SCNN1G: variants seen among roughly 807,000 people sequenced by gnomAD.
The protein encoded by SCNN1G is sodium channel epithelial 1 subunit gamma.
In SCNN1G, 27 loss-of-function variants were observed where a neutral mutation model predicts 64.6. The ratio of observed to expected loss-of-function variants is 0.42; its 90% confidence interval spans 0.31 to 0.58. The LOEUF is 0.58. Among genes scored for constraint, SCNN1G ranks in the 20% least tolerant of loss-of-function variants. The pLI, the probability that SCNN1G is intolerant of heterozygous loss-of-function variation, is 0.18. For missense variants in SCNN1G, 743 were observed against 823.4 expected (o/e 0.90, Z 1.19); for synonymous variants, 330 against 314.2 (o/e 1.05, Z -0.53).
intron 6 of SCNN1G, among the ~76,000 whole-genome samples, chr16:23,203,104 G>T (rs1959918905): frequency 2.0e-5 from 3 of 152,244 alleles, no homozygotes; most frequent in African/African-American, 7.2e-5. Context: ...AAGCCAGAAA[G>T]AGTTGGCATC....
At chr16:23,192,600 C>A in intron 4 of SCNN1G, 58 bp downstream of exon 4, 1 of 1,404,818 alleles carries the variant, frequency 7.1e-7, no homozygotes, top group Non-Finnish European at 9.9e-7. Flanking sequence ...GAGTACCAGG[C>A]CCCTTGCAGG....
intron 6 of SCNN1G, among the ~76,000 whole-genome samples, chr16:23,203,753 G>A (rs13335711): frequency 3.2e-3 from 354 of 110,274 alleles, no homozygotes; most frequent in African/African-American, 0.011. Context: ...CTGGGCGACA[G>A]AGTGAGACTC....
chr16:23,190,025 G>T (rs967811829), intron 3 of SCNN1G, among the ~76,000 whole-genome samples: 11 of 151,880 alleles, frequency 7.2e-5, no homozygotes, highest in African/African-American at 2.7e-4. Context: ...AGCCCAGATG[G>T]TGCCACTGCA....
rs527840367 is a variant in SCNN1G at position 23,213,312 on chromosome 16, G to A, written c.1493+149G>A. ...CTGTCACCCAGGCTGGAGTGCAGTG[G>A]TGTGATCTCAGCTCACTGTAACTTC... On this transcript the variant is annotated intron_variant, in intron 11 of 12. Coordinates refer to ENST00000300061, the MANE Select transcript of SCNN1G (RefSeq NM_001039.4). The A allele has an allele frequency of 6.5e-5, 43 of 659,098 alleles. 1 individual carries two copies. The Middle Eastern group carries it at 2.6e-3, about 39-fold the overall frequency. The allele number at this position is 659,098 out of a possible 1,614,324, so 40.8% of individuals were successfully genotyped here.
chr16:23,203,310 A>G (rs1171695727), intron 6 of SCNN1G, among the ~76,000 whole-genome samples: 1 of 152,134 alleles, frequency 6.6e-6, no homozygotes, highest in Non-Finnish European at 1.5e-5. Flanking sequence ...TGGTGAATGG[A>G]AAATGAAGAA....
chr16:23,184,847 A>G (rs1295707147), intron 1 of SCNN1G, among the ~76,000 whole-genome samples: 1 of 152,152 alleles, frequency 6.6e-6, no homozygotes, highest in Non-Finnish European at 1.5e-5. Context: ...CCTGGGGACC[A>G]CCCTGTATGC....
intron 3 of SCNN1G, among the ~76,000 whole-genome samples, chr16:23,190,371 G>T (rs775068289): frequency 4.6e-5 from 7 of 150,974 alleles, no homozygotes; most frequent in Non-Finnish European, 8.8e-5. Flanking sequence ...TTTAAGTAGT[G>T]GGGGGCAGAG....
At chr16:23,193,380 C>T (rs546214452) in intron 4 of SCNN1G, among the ~76,000 whole-genome samples, 2 of 152,098 alleles carry the variant, frequency 1.3e-5, no homozygotes, top group South Asian at 4.1e-4. Context: ...GGCACAGTGG[C>T]TCACGCTTGT....
At chr16:23,202,953 A>G (rs995282221) in intron 6 of SCNN1G, among the ~76,000 whole-genome samples, 1 of 152,212 alleles carries the variant, frequency 6.6e-6, no homozygotes, top group African/African-American at 2.4e-5. Flanking sequence ...ACCTGGAGTT[A>G]AGGAGAAAAC....
chr16:23,212,026 T>G lies in SCNN1G; in HGVS notation c.1177-8T>G. ...ACATGAATGGCATTCCTGGGTCTCCTCTTTCAGATCTGCCTTCATTCATGC... is the reference window on the plus strand; with the variant it reads ...ACATGAATGGCATTCCTGGGTCTCCGCTTTCAGATCTGCCTTCATTCATGC... On this transcript the variant is annotated splice_region_variant and splice_polypyrimidine_tract_variant and intron_variant, in intron 7 of 12. Transcript: ENST00000300061. The G allele has an allele frequency of 1.3e-6, 2 of 1,592,158 alleles. No individual in the cohort carries two copies. Among genetic ancestry groups the G allele is most frequent in the Non-Finnish European group, 1.7e-6 (2 of 1,159,984 alleles).
rs67132706 is a variant in SCNN1G at position 23,199,663 on chromosome 16, C to CTTTTTTTTTT, written c.1077+2253_1077+2262dup. On this transcript the variant is annotated intron_variant, in intron 6 of 12. Transcript: ENST00000300061. ...TGATGTTTTTCTTTTCTTTTCTTTT[C>CTTTTTTTTTT]TTTTTTTTTTTTTTTTTTTTTTTTT... Among the ~76,000 whole-genome samples, 362 of 59,692 alleles carry CTTTTTTTTTT rather than the reference C, an allele frequency of 6.1e-3. 2 individuals carry two copies. Among genetic ancestry groups the CTTTTTTTTTT allele is most frequent in the Non-Finnish European group, 7.7e-3 (256 of 33,210 alleles). The allele number at this position is 59,692 out of a possible 152,430, so 39.2% of individuals were successfully genotyped here. A position where few individuals can be genotyped will look rare whatever the true frequency, so the allele number is the denominator to read the frequency against.
intron 6 of SCNN1G, among the ~76,000 whole-genome samples, chr16:23,200,933 A>G (rs1490547267): frequency 6.6e-6 from 1 of 152,146 alleles, no homozygotes; most frequent in African/African-American, 2.4e-5. Context: ...AACCATCAAA[A>G]TGGTCTTTCT....
intron 1 of SCNN1G, among the ~76,000 whole-genome samples, chr16:23,185,414 G>A (rs1357244377): frequency 2.0e-5 from 3 of 152,092 alleles, no homozygotes; most frequent in Admixed American, 1.3e-4. Context: ...GAGATGCATC[G>A]TGCACATTGA....
intron 6 of SCNN1G, among the ~76,000 whole-genome samples, chr16:23,205,881 C>A (rs184742036): frequency 1.5e-3 from 225 of 152,244 alleles, no homozygotes; most frequent in African/African-American, 5.3e-3. Flanking sequence ...CCCCCACCCA[C>A]CCCCAGAGCC....
intron 7 of SCNN1G, among the ~76,000 whole-genome samples, chr16:23,211,067 A>G (rs1960071425): frequency 6.6e-6 from 1 of 152,196 alleles, no homozygotes; most frequent in East Asian, 1.9e-4. Flanking sequence ...CTCATCAGAA[A>G]GATACTTCTG....
intron 2 of SCNN1G, among the ~76,000 whole-genome samples, chr16:23,186,801 G>GA (rs1555473248): frequency 6.6e-6 from 1 of 151,822 alleles, no homozygotes; most frequent in East Asian, 1.9e-4. Context: ...TCAGTGACTT[G>GA]TTTTTTTTCT....
chr16:23,202,078 A>G (rs1178704769), intron 6 of SCNN1G, among the ~76,000 whole-genome samples: 1 of 152,118 alleles, frequency 6.6e-6, no homozygotes, highest in African/African-American at 2.4e-5. Context: ...TGGCTTCCCA[A>G]AGTGCTGGGA....
intron 6 of SCNN1G, among the ~76,000 whole-genome samples, chr16:23,204,382 A>G (rs1959957301): frequency 8.1e-6 from 1 of 124,140 alleles, no homozygotes; most frequent in South Asian, 2.7e-4. Flanking sequence ...GACTATTACT[A>G]TATATTTTTT....
intron 5 of SCNN1G, among the ~76,000 whole-genome samples, chr16:23,195,176 AC>A (rs912939712): frequency 6.6e-6 from 1 of 152,164 alleles, no homozygotes; most frequent in African/African-American, 2.4e-5. Flanking sequence ...TAGGGCTTCA[AC>A]ATATGAATTT....
Sources: gnomAD v4.1 joint callset for allele counts (sites outside exome capture counted in the v4.1 genomes callset) on GRCh38, gnomAD v4.1.1 for gene constraint, MANE v1.5 for transcripts, NCBI Gene and HGNC (gene_info 2026-07-23, HGNC 2026-07-21) for gene names.